The following LRFN5 variants were observed in gnomAD, a reference collection of about 807,000 sequenced individuals.
LRFN5 encodes leucine-rich repeat and fibronectin type-III domain-containing protein 5.
Under a neutral mutation model 45.6 loss-of-function variants are expected in LRFN5, and 24 were observed. The observed-to-expected ratio is 0.53, with a 90% CI of 0.38 to 0.74. The LOEUF (loss-of-function observed/expected upper bound fraction) is 0.74. LRFN5 is among the 30% of genes least tolerant of loss of function. LRFN5 has a pLI of 0.00. For missense variants in LRFN5, 776 were observed against 861.5 expected, an observed-to-expected ratio of 0.90 and a Z score of 1.24; for synonymous variants, 340 against 313.8, an observed-to-expected ratio of 1.08 and a Z score of -0.88.
At chr14:41,674,782 C>T (rs577413897) in intron 1 of LRFN5, among the ~76,000 whole-genome samples, 8 of 148,870 alleles carry the variant, frequency 5.4e-5, no homozygotes, top group Admixed American at 4.0e-4. Context: ...GGCTGCCGGG[C>T]GGAGAGGCTC....
intron 2 of LRFN5, among the ~76,000 whole-genome samples, chr14:41,836,589 A>C (rs945792485): frequency 1.3e-5 from 2 of 152,186 alleles, no homozygotes; most frequent in African/African-American, 2.4e-5. Context: ...AGCTGAGGAC[A>C]AAAAGAAGCT....
At chr14:41,633,238 T>C (rs919376165) in intron 1 of LRFN5, among the ~76,000 whole-genome samples, 1 of 152,048 alleles carries the variant, frequency 6.6e-6, no homozygotes, top group African/African-American at 2.4e-5. Flanking sequence ...AAAAAATATA[T>C]AGTACTATAA....
chr14:41,808,197 G>GGGAA (rs141262386), intron 2 of LRFN5, among the ~76,000 whole-genome samples: 10,127 of 100,934 alleles, frequency 0.1, 746 homozygotes, highest in East Asian at 0.35. Flanking sequence ...AGGAAGTAGA[G>GGGAA]GGAAGGAAGG....
intron 1 of LRFN5, among the ~76,000 whole-genome samples, chr14:41,739,203 T>A (rs1884578892): frequency 6.6e-6 from 1 of 152,074 alleles, no homozygotes; most frequent in Admixed American, 6.6e-5. Flanking sequence ...CTGGGCAACA[T>A]GGCCAAAGCC....
rs896913501 is a variant in LRFN5, at chr14:41,614,351, C to A, written c.-197+5789C>A. ...CCGCACTCAACAAAAATAGGCCTAA[C>A]TTTAAGTGAAAAGTTTAAGGTTATT... On this transcript the variant is annotated intron_variant, in intron 1 of 5. Transcript: ENST00000298119. Among the ~76,000 whole-genome samples the A allele has an allele frequency of 4.6e-5, 7 of 151,990 alleles. No homozygotes were observed. The East Asian group carries it at 1.4e-3, about 29-fold the overall frequency.
chr14:41,744,834 A>G (rs1884854330), intron 1 of LRFN5, among the ~76,000 whole-genome samples: 1 of 152,188 alleles, frequency 6.6e-6, no homozygotes, highest in South Asian at 2.1e-4. Context: ...CAAGAGTAAT[A>G]GAGAAAGAAG....
intron 1 of LRFN5, among the ~76,000 whole-genome samples, chr14:41,734,318 A>T (rs954014075): frequency 1.7e-4 from 10 of 59,588 alleles, no homozygotes; most frequent in Non-Finnish European, 2.7e-4. Flanking sequence ...GACTGGTTTT[A>T]TATATATATA....
rs573480650 is a variant in LRFN5, at chr14:41,613,827, A to G, written c.-197+5265A>G. ...TAAACAATGCTGTTTATCTTGATCT[A>G]TTTTCACTCCACCATGTTCAGCTCT... On this transcript the variant is annotated intron_variant, in intron 1 of 5. Transcript: ENST00000298119. Among the ~76,000 whole-genome samples, 4 of 152,144 alleles carry G rather than the reference A, an allele frequency of 2.6e-5. No individual in the cohort carries two copies. The East Asian group carries it at 5.8e-4, about 22-fold the overall frequency.
In LRFN5 at chr14:41,671,617, G is replaced by GTTTTTTTTTTTTTTTT. The variant is rs914212982; in HGVS notation, c.-197+63060_-197+63075dup. Among the ~76,000 whole-genome samples the GTTTTTTTTTTTTTTTT allele has an allele frequency of 6.3e-4, 49 of 78,022 alleles. 11 individuals carry two copies. Among genetic ancestry groups the GTTTTTTTTTTTTTTTT allele is most frequent in the East Asian group, 1.7e-3 (4 of 2,292 alleles). The allele number at this position is 78,022 out of a possible 152,430, so 51.2% of individuals were successfully genotyped here. On this transcript the variant is annotated intron_variant, in intron 1 of 5. Transcript: ENST00000298119. Reference sequence around the variant, plus strand: ...TGTGGAGGAGAGATTTTTTTTTTTCGTTTTTTTTTTTTTTTTTTTTACGGA... The same window carrying GTTTTTTTTTTTTTTTT: ...TGTGGAGGAGAGATTTTTTTTTTTCGTTTTTTTTTTTTTTTTTTTTTTTTTTTTTTTTTTTTACGGA...
chr14:41,804,897 T>C (rs1427168614), intron 2 of LRFN5, among the ~76,000 whole-genome samples: 1 of 152,198 alleles, frequency 6.6e-6, no homozygotes, highest in Non-Finnish European at 1.5e-5. Flanking sequence ...ACCTCCAGAA[T>C]AGAAATGTGC....
At chr14:41,888,690 A>G (rs534540926) in intron 3 of LRFN5, among the ~76,000 whole-genome samples, 11 of 152,170 alleles carry the variant, frequency 7.2e-5, no homozygotes, top group Admixed American at 5.9e-4. Flanking sequence ...GACAGTTCCA[A>G]AAAGAAACCT....
At chr14:41,628,756 T>C (rs1302157964) in intron 1 of LRFN5, among the ~76,000 whole-genome samples, 1 of 152,170 alleles carries the variant, frequency 6.6e-6, no homozygotes, top group Non-Finnish European at 1.5e-5. Flanking sequence ...ATATGGATAG[T>C]AGCATTGAAG....
chr14:41,760,547 A>C (rs549897737), intron 1 of LRFN5, among the ~76,000 whole-genome samples: 111 of 152,360 alleles, frequency 7.3e-4, no homozygotes, highest in African/African-American at 2.6e-3. Context: ...GAGAGGACAT[A>C]ATGTAATATA....
chr14:41,846,344 A>G (rs1889065350), intron 2 of LRFN5, among the ~76,000 whole-genome samples: 1 of 152,182 alleles, frequency 6.6e-6, no homozygotes, highest in Non-Finnish European at 1.5e-5. Flanking sequence ...ATTTGAAATA[A>G]TCAAAAACTA....
At chr14:41,616,028 C>T (rs1887916012) in intron 1 of LRFN5, among the ~76,000 whole-genome samples, 3 of 152,092 alleles carry the variant, frequency 2.0e-5, no homozygotes, top group South Asian at 4.1e-4. Flanking sequence ...AACGTATTTG[C>T]TATTATGAAT....
chr14:41,903,673 G>A (rs894241244), intron 5 of LRFN5, among the ~76,000 whole-genome samples: 4 of 151,684 alleles, frequency 2.6e-5, no homozygotes, highest in African/African-American at 9.7e-5. Context: ...GTGAAAAACT[G>A]ATTAGTTAAG....
chr14:41,709,086 A>G lies in LRFN5; in HGVS notation c.-196-57768A>G, dbSNP rs1217737858. Among the ~76,000 whole-genome samples the G allele has an allele frequency of 4.1e-5, 4 of 96,696 alleles. No homozygotes were observed. The South Asian group carries it at 8.6e-4, about 21-fold the overall frequency. The allele number at this position is 96,696 out of a possible 152,430, so 63.4% of individuals were successfully genotyped here. A position where few individuals can be genotyped will look rare whatever the true frequency, so the allele number is the denominator to read the frequency against. On this transcript the variant is annotated intron_variant, in intron 1 of 5. Coordinates refer to ENST00000298119, the MANE Select transcript of LRFN5 (RefSeq NM_152447.5). ...CTTCTAGAAAGTAAAACTCGTACCA[A>G]CTGTTTCTTCCACTTAGGCACAGTT... is the stretch of plus-strand genomic sequence containing the variant.
At chr14:41,798,028 T>C (rs1463533331) in intron 2 of LRFN5, among the ~76,000 whole-genome samples, 1 of 151,916 alleles carries the variant, frequency 6.6e-6, no homozygotes, top group Non-Finnish European at 1.5e-5. Context: ...TTTGCACACG[T>C]TTTCCTCTTG....
chr14:41,853,486 T>A (rs935006672), intron 2 of LRFN5, among the ~76,000 whole-genome samples: 1 of 152,046 alleles, frequency 6.6e-6, no homozygotes, highest in Non-Finnish European at 1.5e-5. Flanking sequence ...GGAAAAGTAA[T>A]GCCACAGTAG....
Sources: allele counts gnomAD v4.1 joint callset (sites outside exome capture counted in the v4.1 genomes callset), GRCh38; gene constraint gnomAD v4.1.1; transcripts MANE v1.5; gene names NCBI Gene and HGNC (gene_info 2026-07-23, HGNC 2026-07-21).